The following FSTL4 variants were observed in gnomAD, a reference collection of about 807,000 sequenced individuals.
The protein encoded by FSTL4 is follistatin-related protein 4.
In FSTL4, 28 loss-of-function variants were observed where a neutral mutation model predicts 78.2. The ratio of observed to expected loss-of-function variants is 0.36; its 90% confidence interval spans 0.27 to 0.49. The LOEUF is 0.49. Ranked by LOEUF, FSTL4 falls within the 20% of genes least tolerant of loss-of-function variation. FSTL4 has a pLI of 0.98. For missense variants in FSTL4, 922 were observed against 1,084.9 expected (o/e 0.85, Z 2.11); for synonymous variants, 422 against 440.5 (o/e 0.96, Z 0.53).
chr5:133,468,369 G>C (rs572344899), intron 3 of FSTL4, among the ~76,000 whole-genome samples: 1 of 152,348 alleles, frequency 6.6e-6, no homozygotes, highest in East Asian at 1.9e-4. Flanking sequence ...GGGTGGGAAT[G>C]ATAAGCTGGA....
intron 4 of FSTL4, among the ~76,000 whole-genome samples, chr5:133,364,457 C>T (rs1038666908): frequency 6.6e-6 from 1 of 152,202 alleles, no homozygotes; most frequent in Non-Finnish European, 1.5e-5. Flanking sequence ...TGCCAGGGGC[C>T]TCTTACACCT....
chr5:133,369,382 C>T (rs891209257), intron 4 of FSTL4, among the ~76,000 whole-genome samples: 10 of 152,200 alleles, frequency 6.6e-5, no homozygotes, highest in African/African-American at 2.4e-4. Flanking sequence ...GTCTCCTCAG[C>T]AGGACCTGGG....
chr5:133,316,269 G>A (rs928602730), intron 5 of FSTL4, among the ~76,000 whole-genome samples, 190 bp downstream of exon 5: 3 of 152,190 alleles, frequency 2.0e-5, no homozygotes, highest in African/African-American at 7.2e-5. Context: ...TTGCCAGATA[G>A]CTGAGAGGGC....
intron 6 of FSTL4, 65 bp from the exon 7 acceptor site, chr5:133,249,641 T>A: frequency 7.9e-7 from 1 of 1,270,374 alleles, no homozygotes; most frequent in South Asian, 1.3e-5. Context: ...CAACTCAAGG[T>A]GAATAGCCAT....
intron 6 of FSTL4, among the ~76,000 whole-genome samples, chr5:133,285,445 G>A (rs1031907564): frequency 6.6e-6 from 1 of 152,208 alleles, no homozygotes; most frequent in African/African-American, 2.4e-5. Context: ...TGGTACCAAA[G>A]GTTCTCTCTG....
intron 6 of FSTL4, among the ~76,000 whole-genome samples, chr5:133,304,443 G>A (rs926257708): frequency 3.3e-5 from 5 of 151,936 alleles, no homozygotes; most frequent in Non-Finnish European, 5.9e-5. Context: ...CAGCCACCCC[G>A]TTCCTGCCTC....
Position 133,384,346 on chromosome 5 carries a change from C to T in FSTL4, c.409+16392G>A, listed in dbSNP as rs1005977967. ...TTCCAGACGGGGTGGTGACAGGGTGCGCCCTGACGAAGGGCTGACACTTTC... is the reference window on the plus strand; with the variant it reads ...TTCCAGACGGGGTGGTGACAGGGTGTGCCCTGACGAAGGGCTGACACTTTC... On this transcript the variant is annotated intron_variant, in intron 4 of 15. Coordinates refer to ENST00000265342, the MANE Select transcript of FSTL4 (RefSeq NM_015082.2). Among the ~76,000 whole-genome samples the T allele has an allele frequency of 7.2e-5, 11 of 152,308 alleles. No individual in the cohort carries two copies. The East Asian group carries it at 9.7e-4, about 13-fold the overall frequency.
intron 2 of FSTL4, among the ~76,000 whole-genome samples, chr5:133,579,196 T>C (rs1348444528): frequency 6.6e-6 from 1 of 152,226 alleles, no homozygotes; most frequent in Non-Finnish European, 1.5e-5. Flanking sequence ...GTCTCCTTCA[T>C]GTCTTACTGC....
chr5:133,472,166 T>C (rs1757838451), intron 3 of FSTL4, among the ~76,000 whole-genome samples: 1 of 152,104 alleles, frequency 6.6e-6, no homozygotes, highest in African/African-American at 2.4e-5. Context: ...TATTTGGGGG[T>C]TATATAGCAG....
At chr5:133,560,156 T>C (rs768623245) in intron 3 of FSTL4, among the ~76,000 whole-genome samples, 2 of 152,164 alleles carry the variant, frequency 1.3e-5, no homozygotes, top group African/African-American at 2.4e-5. Flanking sequence ...AGGTACCAGG[T>C]GAGTGGCGCT....
intron 4 of FSTL4, among the ~76,000 whole-genome samples, chr5:133,374,717 G>A (rs1373116290): frequency 6.6e-6 from 1 of 152,006 alleles, no homozygotes; most frequent in Non-Finnish European, 1.5e-5. Flanking sequence ...AAGACAGGAA[G>A]AGATGATCTC....
At chr5:133,532,824 G>C (rs1759283991) in intron 3 of FSTL4, among the ~76,000 whole-genome samples, 6 of 152,200 alleles carry the variant, frequency 3.9e-5, no homozygotes, top group Admixed American at 3.9e-4. Flanking sequence ...CAGAGTCCTA[G>C]AGTACCAATC....
intron 3 of FSTL4, among the ~76,000 whole-genome samples, chr5:133,542,630 A>C (rs1759499603): frequency 6.6e-6 from 1 of 152,206 alleles, no homozygotes; most frequent in South Asian, 2.1e-4. Flanking sequence ...TATTTCTTGA[A>C]TGATGCTAAG....
intron 2 of FSTL4, among the ~76,000 whole-genome samples, chr5:133,582,437 G>C (rs535204811): frequency 1.7e-4 from 26 of 152,292 alleles, no homozygotes; most frequent in African/African-American, 6.3e-4. Flanking sequence ...GGTAGCTGCT[G>C]TCCACTTGCC....
chr5:133,578,050 C>T (rs1168315024), intron 2 of FSTL4, among the ~76,000 whole-genome samples: 1 of 152,174 alleles, frequency 6.6e-6, no homozygotes, highest in African/African-American at 2.4e-5. Flanking sequence ...ACCAGTATTA[C>T]ATGAGGCTGG....
At chr5:133,798,236 T>C in the FSTL4 span, among the ~76,000 whole-genome samples, 1 of 152,230 alleles carries the variant, frequency 6.6e-6, no homozygotes, top group Non-Finnish European at 1.5e-5. Flanking sequence ...AATAAAATTT[T>C]AAATCATACA....
At chr5:133,369,694 C>T (rs1257297347) in intron 4 of FSTL4, among the ~76,000 whole-genome samples, 1 of 152,194 alleles carries the variant, frequency 6.6e-6, no homozygotes, top group Non-Finnish European at 1.5e-5. Context: ...GTGGGCGCCT[C>T]CTACACAGTG....
At chr5:133,374,694 C>A (rs1016941742) in intron 4 of FSTL4, among the ~76,000 whole-genome samples, 1 of 151,572 alleles carries the variant, frequency 6.6e-6, no homozygotes, top group Non-Finnish European at 1.5e-5. Context: ...GGGATTAATA[C>A]CCTTTTAAAA....
chr5:133,677,273 T>C, the FSTL4 span, among the ~76,000 whole-genome samples: 2 of 152,200 alleles, frequency 1.3e-5, no homozygotes, highest in Non-Finnish European at 2.9e-5. Context: ...GAGGCAAATC[T>C]AGAGGGCCCG....
Sources: allele counts gnomAD v4.1 joint callset (sites outside exome capture counted in the v4.1 genomes callset), GRCh38; gene constraint gnomAD v4.1.1; transcripts MANE v1.5; gene names NCBI Gene and HGNC (gene_info 2026-07-23, HGNC 2026-07-21).